TET2: variants seen among roughly 807,000 people sequenced by gnomAD.
TET2 encodes tet methylcytosine dioxygenase 2.
Under a neutral mutation model 142.9 loss-of-function variants are expected in TET2, and 299 were observed. That is an observed-to-expected ratio of 2.09 (90% CI 1.90 to 2.30). TET2 has a LOEUF of 2.30. TET2 is among the 30% of genes most tolerant of loss of function. The pLI is 0.00. For synonymous variants in TET2, 819 were observed against 849.0 expected (o/e 0.96, Z 0.61); for missense variants, 2,418 against 2,378.0 (o/e 1.02, Z -0.35).
At chr4:105,161,199 C>T (rs1029511313) in intron 1 of TET2, among the ~76,000 whole-genome samples, 1 of 152,050 alleles carries the variant, frequency 6.6e-6, no homozygotes, top group African/African-American at 2.4e-5. Context: ...AGGAAATTAC[C>T]AAAAGAGTGA....
intron 6 of TET2, among the ~76,000 whole-genome samples, chr4:105,245,695 A>G (rs543725385): frequency 2.6e-4 from 40 of 152,222 alleles, no homozygotes; most frequent in African/African-American, 9.6e-4. Context: ...TTAAAAATGT[A>G]TGTAGGTGCC....
chr4:105,267,734 A>G (rs941130913), intron 8 of TET2, among the ~76,000 whole-genome samples: 1 of 151,960 alleles, frequency 6.6e-6, no homozygotes, highest in Non-Finnish European at 1.5e-5. Flanking sequence ...ACCCCTAATT[A>G]TAAGGCAGAG....
intron 1 of TET2, among the ~76,000 whole-genome samples, chr4:105,180,594 A>C (rs923044892): frequency 1.1e-4 from 16 of 152,050 alleles, no homozygotes; most frequent in African/African-American, 3.1e-4. Context: ...CATGATCTCC[A>C]TGGTCACAAA....
intron 6 of TET2, among the ~76,000 whole-genome samples, chr4:105,245,331 A>C (rs1321560365): frequency 6.6e-6 from 1 of 151,832 alleles, no homozygotes; most frequent in Non-Finnish European, 1.5e-5. Context: ...TTTAAGCATA[A>C]ATTTTTTTTT....
At chr4:105,239,932 G>T (rs1285108361) in intron 3 of TET2, 5 of 241,338 alleles carry the variant, frequency 2.1e-5, no homozygotes, top group Non-Finnish European at 4.4e-5. Context: ...CAATATTGTT[G>T]TGTTTTAGGG....
intron 2 of TET2, among the ~76,000 whole-genome samples, chr4:105,205,314 A>G (rs906651175): frequency 6.6e-6 from 1 of 152,106 alleles, no homozygotes; most frequent in Non-Finnish European, 1.5e-5. Context: ...TATTTTCCTT[A>G]ACTTCTTAAT....
intron 1 of TET2, among the ~76,000 whole-genome samples, 177 bp from the exon 2 acceptor site, chr4:105,190,183 A>G (rs542451464): frequency 2.4e-4 from 36 of 152,334 alleles, no homozygotes; most frequent in Middle Eastern, 3.4e-3. Context: ...AATTGTTATT[A>G]TGGTACATTT....
chr4:105,276,104 C>G lies in TET2; in HGVS notation c.5594C>G (p.Ala1865Gly), dbSNP rs772726590. ...CCTGACATTGGGGGAGTGGCCGTGG[C>G]TCCAACTCATGGGTCAATTCTCATT... ...LDPDIGGVAV[A>G]PTHGSILIEC... The change falls in exon 11 of 11, where the codon GCT becomes GGT. Residue 1865 changes from alanine (A) to glycine (G), a missense_variant. Coordinates refer to ENST00000380013, the MANE Select transcript of TET2 (RefSeq NM_001127208.3). 9.0e-6 allele frequency: 14 copies of G among 1,551,546 alleles called. No individual in the cohort carries two copies. The East Asian group carries it at 2.9e-4, about 32-fold the overall frequency.
intron 8 of TET2, among the ~76,000 whole-genome samples, chr4:105,265,040 A>G (rs1381885329): frequency 6.6e-6 from 1 of 152,192 alleles, no homozygotes; most frequent in Non-Finnish European, 1.5e-5. Flanking sequence ...CAGTAGACAT[A>G]TATTTGGCTC....
intron 2 of TET2, among the ~76,000 whole-genome samples, chr4:105,209,213 G>A (rs1042171191): frequency 6.6e-6 from 1 of 150,578 alleles, no homozygotes; most frequent in Non-Finnish European, 1.5e-5. Flanking sequence ...TATTCAACCA[G>A]GCTCACTAAG....
chr4:105,168,394 C>T (rs1455916566), intron 1 of TET2, among the ~76,000 whole-genome samples: 1 of 152,030 alleles, frequency 6.6e-6, no homozygotes, highest in Non-Finnish European at 1.5e-5. Flanking sequence ...ATCCTTTTTC[C>T]TCCAGGCCTT....
At chr4:105,163,064 A>C (rs1723938394) in intron 1 of TET2, among the ~76,000 whole-genome samples, 1 of 152,240 alleles carries the variant, frequency 6.6e-6, no homozygotes, top group Non-Finnish European at 1.5e-5. Context: ...TTTTTCAGTG[A>C]AGAATAAATT....
In TET2 at chr4:105,240,511, T is replaced by C; in HGVS notation, c.3410-828T>C. ...TGTTAAATTAGTGTGGCTAATGACC[T>C]ACCCGTGCCATGTTTTCCCTCTTGC... On this transcript the variant is annotated intron_variant, in intron 3 of 10. Coordinates refer to ENST00000380013, the MANE Select transcript of TET2 (RefSeq NM_001127208.3). 5 of 1,078,064 alleles carry C rather than the reference T, an allele frequency of 4.6e-6. No homozygotes were observed. The South Asian group carries it at 2.3e-4, about 49-fold the overall frequency. 66.8% of individuals were successfully genotyped at this position (1,078,064 alleles called of 1,614,324 possible).
In TET2 at chr4:105,276,130, G is replaced by GA; in HGVS notation, c.5621dup (p.Cys1875ValfsTer5). On this transcript the variant is annotated frameshift_variant, in exon 11 of 11. Transcript: ENST00000380013. LOFTEE classifies it high-confidence loss of function. Reference sequence around the variant, plus strand: ...TCCAACTCATGGGTCAATTCTCATTGAGTGTGCAAAGCGTGAGCTGCATGC... The same window carrying GA: ...TCCAACTCATGGGTCAATTCTCATTGAAGTGTGCAAAGCGTGAGCTGCATGC... 6.4e-7 allele frequency: 1 copy of GA among 1,551,614 alleles called. No homozygotes were observed. Among genetic ancestry groups the GA allele is most frequent in the Non-Finnish European group, 8.7e-7 (1 of 1,146,974 alleles).
intron 1 of TET2, among the ~76,000 whole-genome samples, chr4:105,186,789 C>T (rs1725483162): frequency 6.6e-6 from 1 of 152,052 alleles, no homozygotes; most frequent in African/African-American, 2.4e-5. Flanking sequence ...TCCAAAATAG[C>T]ATCATTAAGC....
At chr4:105,224,472 G>A (rs751284164) in intron 2 of TET2, among the ~76,000 whole-genome samples, 13 of 152,054 alleles carry the variant, frequency 8.5e-5, no homozygotes, top group Non-Finnish European at 1.0e-4. Context: ...CTGCCAATGC[G>A]ACTAGAATTT....
At chr4:105,220,703 C>T (rs1727763876) in intron 2 of TET2, among the ~76,000 whole-genome samples, 1 of 152,160 alleles carries the variant, frequency 6.6e-6, no homozygotes, top group African/African-American at 2.4e-5. Context: ...CTCTGTGAGG[C>T]AGGCATCCGA....
Position 105,272,579 on chromosome 4 carries a change from A to G in TET2, c.4198A>G (p.Arg1400Gly), listed in dbSNP as rs1353550244. The change falls in exon 10 of 11, where the codon AGA (arginine) becomes GGA (glycine). Residue 1400 changes from arginine to glycine, a missense_variant. Arg to Gly is a moderately radical substitution (Grantham distance 125). Coordinates refer to ENST00000380013, the MANE Select transcript of TET2 (RefSeq NM_001127208.3). ...TCCCTACCAGGTATGCACTCTCACTAGAGAAGACAATCGAGAATTTGGAGG... is the reference window on the plus strand; with the variant it reads ...TCCCTACCAGGTATGCACTCTCACTGGAGAAGACAATCGAGAATTTGGAGG... ...NGSTLVCTLT[R>G]EDNREFGGKP... The G allele has an allele frequency of 4.5e-6, 7 of 1,539,140 alleles. No individual in the cohort carries two copies. The highest frequency in any genetic ancestry group is 6.1e-6 in the Non-Finnish European group (7 of 1,141,884).
chr4:105,261,257 A>G (rs985808694), intron 7 of TET2, among the ~76,000 whole-genome samples: 10 of 152,102 alleles, frequency 6.6e-5, no homozygotes, highest in South Asian at 4.1e-4. Flanking sequence ...GTTTTCATGT[A>G]TCCTGCATTC....
Sources: gnomAD v4.1 joint callset for allele counts (sites outside exome capture counted in the v4.1 genomes callset) on GRCh38, gnomAD v4.1.1 for gene constraint, MANE v1.5 for transcripts, NCBI Gene and HGNC (gene_info 2026-07-23, HGNC 2026-07-21) for gene names.